SPMIP11: variants seen among roughly 807,000 people sequenced by gnomAD.
SPMIP11 encodes long intergenic non-protein coding RNA 935.
At chr12:48,733,024 CA>C in the SPMIP11 span, among the ~76,000 whole-genome samples, 1 of 143,120 alleles carries the variant, frequency 7.0e-6, no homozygotes. Flanking sequence ...AACTCCATCT[CA>C]AAAAAGAAAA....
chr12:48,748,701 C>A, the SPMIP11 span, among the ~76,000 whole-genome samples: 1 of 152,146 alleles, frequency 6.6e-6, no homozygotes, highest in Non-Finnish European at 1.5e-5. Flanking sequence ...CCTCCTCCCC[C>A]ATCCTCATTC....
At chr12:48,765,061 T>C in the SPMIP11 span, 4 of 652,162 alleles carry the variant, frequency 6.1e-6, no homozygotes, top group Non-Finnish European at 1.1e-5. Context: ...CTTTAATTCT[T>C]AGAGATTATT....
the SPMIP11 span, chr12:48,767,052 G>A: frequency 1.3e-5 from 2 of 152,584 alleles, no homozygotes; most frequent in African/African-American, 4.8e-5. Context: ...GAAGGCTGGG[G>A]AAAGCCAAGT....
chr12:48,763,262 T>C, the SPMIP11 span, among the ~76,000 whole-genome samples: 1 of 151,948 alleles, frequency 6.6e-6, no homozygotes. Context: ...CTCAACAACC[T>C]CCCAGGCTCA....
At chr12:48,758,134 C>G in the SPMIP11 span, among the ~76,000 whole-genome samples, 1 of 152,134 alleles carries the variant, frequency 6.6e-6, no homozygotes, top group Non-Finnish European at 1.5e-5. Context: ...CACCACTGTA[C>G]TCCAGCCTGG....
chr12:48,753,693 T>TC, the SPMIP11 span, among the ~76,000 whole-genome samples: 2 of 111,796 alleles, frequency 1.8e-5, no homozygotes, highest in African/African-American at 3.1e-5. Flanking sequence ...TTTTTTTTTC[T>TC]TTTTTTTTTT....
the SPMIP11 span, among the ~76,000 whole-genome samples, chr12:48,732,401 A>C: frequency 1.9e-4 from 29 of 152,208 alleles, no homozygotes; most frequent in East Asian, 4.8e-3. Flanking sequence ...AATTCCTACC[A>C]ACTACACACC....
chr12:48,769,591 T>TC, the SPMIP11 span, among the ~76,000 whole-genome samples: 4 of 142,660 alleles, frequency 2.8e-5, no homozygotes, highest in African/African-American at 1.0e-4. Flanking sequence ...TTTCTTTTCT[T>TC]TTTTTTTTTT....
the SPMIP11 span, among the ~76,000 whole-genome samples, chr12:48,752,134 G>A: frequency 6.6e-6 from 1 of 151,116 alleles, no homozygotes; most frequent in Admixed American, 6.6e-5. Flanking sequence ...TGTATGTAAC[G>A]TACCTAAGAC....
At chr12:48,753,295 T>G in the SPMIP11 span, among the ~76,000 whole-genome samples, 208 of 152,344 alleles carry the variant, frequency 1.4e-3, 1 homozygote, top group Non-Finnish European at 2.4e-3. Flanking sequence ...GCCACAGACA[T>G]GCTGACCTTC....
At chr12:48,765,521 G>A in the SPMIP11 span, 9 of 694,366 alleles carry the variant, frequency 1.3e-5, no homozygotes, top group East Asian at 2.7e-5. Context: ...GAGCCACCGC[G>A]CCCAGCCTCT....
the SPMIP11 span, among the ~76,000 whole-genome samples, chr12:48,730,687 C>T: frequency 6.6e-6 from 1 of 152,154 alleles, no homozygotes; most frequent in Non-Finnish European, 1.5e-5. Context: ...CCTGTAATCC[C>T]AGCACTTTGG....
chr12:48,759,597 G>A, the SPMIP11 span, among the ~76,000 whole-genome samples: 1 of 151,978 alleles, frequency 6.6e-6, no homozygotes, highest in African/African-American at 2.4e-5. Context: ...CTTGAAGCCG[G>A]GAGTTGGAGG....
the SPMIP11 span, among the ~76,000 whole-genome samples, chr12:48,758,601 T>A: frequency 6.6e-6 from 1 of 152,206 alleles, no homozygotes; most frequent in African/African-American, 2.4e-5. Context: ...TTTTGCTTCA[T>A]AGGGAGTGAT....
chr12:48,748,519 A>G, the SPMIP11 span, among the ~76,000 whole-genome samples: 195 of 151,178 alleles, frequency 1.3e-3, no homozygotes, highest in Non-Finnish European at 2.2e-3. Context: ...AAAGCATGCC[A>G]ATTGCCCTTG....
At chr12:48,728,505 A>G in the SPMIP11 span, among the ~76,000 whole-genome samples, 2 of 152,008 alleles carry the variant, frequency 1.3e-5, no homozygotes, top group Non-Finnish European at 2.9e-5. Flanking sequence ...TCAGGAGATC[A>G]AGACCATCCT....
the SPMIP11 span, among the ~76,000 whole-genome samples, chr12:48,758,427 G>C: frequency 6.6e-6 from 1 of 152,130 alleles, no homozygotes; most frequent in Non-Finnish European, 1.5e-5. Flanking sequence ...CGTCACTAGC[G>C]GATAACTTTA....
the SPMIP11 span, among the ~76,000 whole-genome samples, chr12:48,743,798 G>A: frequency 1.3e-5 from 2 of 152,156 alleles, no homozygotes; most frequent in East Asian, 1.9e-4. Context: ...TGGGCGTGGT[G>A]GCAGGTGCCT....
At chr12:48,758,269 A>G in the SPMIP11 span, among the ~76,000 whole-genome samples, 1 of 152,208 alleles carries the variant, frequency 6.6e-6, no homozygotes. Context: ...GATAGTAACC[A>G]GAAGCAATGC....
Sources: gnomAD v4.1 joint callset for allele counts (sites outside exome capture counted in the v4.1 genomes callset) on GRCh38, gnomAD v4.1.1 for gene constraint, MANE v1.5 for transcripts, NCBI Gene and HGNC (gene_info 2026-07-23, HGNC 2026-07-21) for gene names.